SLC14A2: variants seen among roughly 807,000 people sequenced by gnomAD.
SLC14A2 encodes the protein solute carrier family 14 member 2.
In SLC14A2, 91 loss-of-function variants were observed where a neutral mutation model predicts 104.6. That is an observed-to-expected ratio of 0.87 (90% confidence interval 0.73 to 1.04). SLC14A2 has a LOEUF of 1.04. Among genes scored for constraint, SLC14A2 ranks in the 50% least tolerant of loss-of-function variants. The pLI is 0.00. For missense variants in SLC14A2, 1,189 were observed against 1,156.0 expected (o/e 1.03, Z -0.41); for synonymous variants, 476 against 466.4 (o/e 1.02, Z -0.27).
At chr18:45,370,013 G>A (rs1419862174) in intron 1 of SLC14A2, among the ~76,000 whole-genome samples, 1 of 152,192 alleles carries the variant, frequency 6.6e-6, no homozygotes, top group African/African-American at 2.4e-5. Flanking sequence ...AGCCAGAGCT[G>A]TTGAGGCTCT....
chr18:45,351,414 G>T (rs1302281179), intron 1 of SLC14A2, among the ~76,000 whole-genome samples: 2 of 152,106 alleles, frequency 1.3e-5, no homozygotes, highest in East Asian at 1.9e-4. Flanking sequence ...GTGTTCAGTG[G>T]TGTGATCCTG....
chr18:45,280,656 C>T (rs2144141077), intron 1 of SLC14A2, among the ~76,000 whole-genome samples: 1 of 152,250 alleles, frequency 6.6e-6, no homozygotes, highest in South Asian at 2.1e-4. Context: ...TCTCAGCCCT[C>T]CTGGAGGCAT....
intron 1 of SLC14A2, among the ~76,000 whole-genome samples, chr18:45,478,031 T>A (rs2087417723): frequency 6.6e-6 from 1 of 152,140 alleles, no homozygotes; most frequent in Non-Finnish European, 1.5e-5. Flanking sequence ...CACTGGGGTA[T>A]GAAGAAAAAC....
chr18:45,636,753 T>G (rs1389299311), intron 5 of SLC14A2, among the ~76,000 whole-genome samples: 1 of 152,008 alleles, frequency 6.6e-6, no homozygotes, highest in Non-Finnish European at 1.5e-5. Context: ...CTCAGAGGTG[T>G]AAGCTTATGA....
intron 10 of SLC14A2, among the ~76,000 whole-genome samples, chr18:45,654,146 C>CGGGT (rs1599128310): frequency 2.0e-5 from 2 of 98,204 alleles, no homozygotes; most frequent in African/African-American, 3.5e-5. Context: ...CTGGGGGGGA[C>CGGGT]GTGGGTGAGC....
intron 2 of SLC14A2, among the ~76,000 whole-genome samples, chr18:45,540,206 C>T (rs934520665): frequency 6.6e-6 from 1 of 152,074 alleles, no homozygotes; most frequent in Non-Finnish European, 1.5e-5. Context: ...GGCAGGACCT[C>T]CCAGCCCCTA....
intron 2 of SLC14A2, among the ~76,000 whole-genome samples, chr18:45,509,608 T>C (rs893832870): frequency 2.0e-5 from 3 of 152,276 alleles, no homozygotes; most frequent in African/African-American, 7.2e-5. Flanking sequence ...AAAAATAAAC[T>C]GGGCAGAATG....
chr18:45,168,030 C>T, the SLC14A2 span, among the ~76,000 whole-genome samples: 1 of 152,132 alleles, frequency 6.6e-6, no homozygotes, highest in African/African-American at 2.4e-5. Context: ...ATGGCCAGCT[C>T]GACAGAGAGC....
At chr18:45,465,795 C>T (rs1027713578) in intron 1 of SLC14A2, among the ~76,000 whole-genome samples, 1 of 151,968 alleles carries the variant, frequency 6.6e-6, no homozygotes, top group Admixed American at 6.5e-5. Flanking sequence ...GGCTGAGAGA[C>T]AGCCATAGGG....
intron 1 of SLC14A2, among the ~76,000 whole-genome samples, chr18:45,372,015 A>C (rs2085728118): frequency 6.6e-6 from 1 of 152,198 alleles, no homozygotes; most frequent in African/African-American, 2.4e-5. Context: ...TATGATAAGT[A>C]ATTCATTTAT....
chr18:45,191,402 C>T, the SLC14A2 span, among the ~76,000 whole-genome samples: 3 of 152,210 alleles, frequency 2.0e-5, no homozygotes, highest in Non-Finnish European at 4.4e-5. Flanking sequence ...ACTGTCAGTT[C>T]TTCCTGGGGT....
chr18:45,535,525 G>A (rs755369962), intron 2 of SLC14A2, among the ~76,000 whole-genome samples: 3 of 152,174 alleles, frequency 2.0e-5, no homozygotes, highest in Non-Finnish European at 4.4e-5. Flanking sequence ...AGGAAGCTGA[G>A]GCTCAGGGAG....
intron 1 of SLC14A2, among the ~76,000 whole-genome samples, chr18:45,466,924 G>C (rs2087154175): frequency 6.6e-6 from 1 of 152,048 alleles, no homozygotes; most frequent in Admixed American, 6.5e-5. Context: ...AAAGCAGGTA[G>C]AGAACCCTTC....
intron 10 of SLC14A2, among the ~76,000 whole-genome samples, chr18:45,655,742 G>C (rs577460927): frequency 6.6e-6 from 1 of 152,194 alleles, no homozygotes; most frequent in Non-Finnish European, 1.5e-5. Flanking sequence ...GGCCTTTCAG[G>C]GGGTATTGCG....
chr18:45,608,688 G>T (rs9304317), intron 2 of SLC14A2, among the ~76,000 whole-genome samples: 103,306 of 152,072 alleles, frequency 0.68, 35,625 homozygotes, highest in East Asian at 0.85. Flanking sequence ...AGCTTCAGAG[G>T]ATTTAGACAA....
At chr18:45,633,588 G>A (rs2045377804) in intron 5 of SLC14A2, among the ~76,000 whole-genome samples, 1 of 152,210 alleles carries the variant, frequency 6.6e-6, no homozygotes, top group Admixed American at 6.5e-5. Context: ...CACTGTCATG[G>A]TGAACCTTTG....
chr18:45,551,711 G>C (rs370823908), intron 2 of SLC14A2, among the ~76,000 whole-genome samples: 1 of 152,210 alleles, frequency 6.6e-6, no homozygotes, highest in Non-Finnish European at 1.5e-5. Flanking sequence ...GCCCAGAGGA[G>C]GGCAGGGCAG....
At chr18:45,522,723 GGTT>G (rs1381759007) in intron 2 of SLC14A2, among the ~76,000 whole-genome samples, 4 of 152,208 alleles carry the variant, frequency 2.6e-5, no homozygotes, top group South Asian at 2.1e-4. Flanking sequence ...TTGTTATTGT[GGTT>G]GTTGTTTGTT....
chr18:45,546,612 C>T (rs35663399), intron 2 of SLC14A2, among the ~76,000 whole-genome samples: 11,226 of 152,208 alleles, frequency 0.074, 553 homozygotes, highest in East Asian at 0.13. Context: ...CCTGAAAGGT[C>T]AAAGAGCTTA....
Sources: gnomAD v4.1 joint callset for allele counts (sites outside exome capture counted in the v4.1 genomes callset) on GRCh38, gnomAD v4.1.1 for gene constraint, MANE v1.5 for transcripts, NCBI Gene and HGNC (gene_info 2026-07-23, HGNC 2026-07-21) for gene names.